IL1RAPL1: variants seen among roughly 807,000 people sequenced by gnomAD.
IL1RAPL1 encodes the protein interleukin 1 receptor accessory protein like 1.
Under a neutral mutation model 48.4 loss-of-function variants are expected in IL1RAPL1, and 3 were observed. The ratio of observed to expected loss-of-function variants is 0.06; its 90% CI spans 0.03 to 0.16. IL1RAPL1 has a LOEUF of 0.16. Ranked by LOEUF, IL1RAPL1 falls within the 10% of genes least tolerant of loss-of-function variation. The pLI is 1.00. For synonymous variants in IL1RAPL1, 185 were observed against 187.7 expected (o/e 0.99, Z 0.12); for missense variants, 349 against 530.6 (o/e 0.66, Z 3.36).
intron 1 of IL1RAPL1, among the ~76,000 whole-genome samples, chrX:28,662,007 C>T (rs1356625518): frequency 9.0e-6 from 1 of 111,329 alleles, no homozygotes; most frequent in Non-Finnish European, 1.9e-5. Context: ...AAGGCTGGAA[C>T]ACTGATGATC....
intron 5 of IL1RAPL1, among the ~76,000 whole-genome samples, chrX:29,630,885 TTCTA>T (rs1254489595): frequency 8.9e-6 from 1 of 112,775 alleles, no homozygotes; most frequent in Admixed American, 9.4e-5. Flanking sequence ...TATTTAACTG[TTCTA>T]TCTTTTTTGA....
chrX:29,838,446 G>A (rs1315344394), intron 6 of IL1RAPL1, among the ~76,000 whole-genome samples: 2 of 111,927 alleles, frequency 1.8e-5, no homozygotes, highest in African/African-American at 6.5e-5. Flanking sequence ...AAATATTTAT[G>A]TGTGTAAATT....
intron 2 of IL1RAPL1, among the ~76,000 whole-genome samples, chrX:29,010,796 G>C (rs1926106065): frequency 9.0e-6 from 1 of 111,363 alleles, no homozygotes; most frequent in African/African-American, 3.3e-5. Context: ...TCACTTATTA[G>C]TTTTGTGACT....
Position 28,773,918 on chromosome X carries a change from A to G in IL1RAPL1, c.-24-15402A>G, listed in dbSNP as rs1366165050. 2.7e-5 allele frequency among the ~76,000 whole-genome samples: 3 copies of G among 111,954 alleles called. No individual in the cohort carries two copies. In the East Asian group the frequency reaches 8.4e-4, roughly 31 times the overall value. The stretch of plus-strand genomic sequence containing the variant: ...AACAATGAGGTTTCTGTTCCTCGCA[A>G]AATGTCCACGTTAAAGTTACTAATG... On this transcript the variant is annotated intron_variant, in intron 1 of 10. Transcript: ENST00000378993.
chrX:29,416,554 AAAC>A (rs1281411488), intron 5 of IL1RAPL1, among the ~76,000 whole-genome samples: 2 of 111,321 alleles, frequency 1.8e-5, no homozygotes, highest in Non-Finnish European at 3.8e-5. Flanking sequence ...ACAAACAAAC[AAAC>A]AACAACGAAA....
In IL1RAPL1 at chrX:29,955,551, C is replaced by G. The variant is rs1456284851; in HGVS notation, c.1822C>G (p.Arg608Gly). Reference sequence around the variant, plus strand: ...TCTAGCCACTGCCCATCCAGATCTCCGTTCTACCTTTCACAACACGTACCA... The same window carrying G: ...TCTAGCCACTGCCCATCCAGATCTCGGTTCTACCTTTCACAACACGTACCA... ...TALATAHPDL[R>G]STFHNTYHSQ... The change falls in exon 11 of 11, where the codon CGT (arginine) becomes GGT (glycine). Residue 608 changes from arginine to glycine, a missense_variant. Arg to Gly is a moderately radical substitution (Grantham distance 125). Around this residue, in one of 3 missense-constraint regions of IL1RAPL1, gnomAD observed 65 missense variants for 79.6 expected, o/e 0.82. Coordinates refer to ENST00000378993, the MANE Select transcript of IL1RAPL1 (RefSeq NM_014271.4). 4 of 1,205,927 alleles carry G rather than the reference C, an allele frequency of 3.3e-6. No individual in the cohort carries two copies. The highest frequency in any genetic ancestry group is 3.4e-6 in the Non-Finnish European group (3 of 893,100).
chrX:29,393,259 C>G (rs1189824796), intron 3 of IL1RAPL1, among the ~76,000 whole-genome samples: 1 of 111,632 alleles, frequency 9.0e-6, no homozygotes, highest in East Asian at 2.8e-4. Flanking sequence ...GTAGCTGGGA[C>G]TACAGGCGCC....
intron 7 of IL1RAPL1, among the ~76,000 whole-genome samples, chrX:29,918,318 C>A (rs185375582): frequency 0.011 from 1,032 of 95,438 alleles, 23 homozygotes; most frequent in African/African-American, 0.037. Context: ...ACCAGCCTGG[C>A]CAACATGGTG....
chrX:29,010,106 G>T (rs1359699358), intron 2 of IL1RAPL1, among the ~76,000 whole-genome samples: 1 of 112,314 alleles, frequency 8.9e-6, no homozygotes, highest in African/African-American at 3.2e-5. Context: ...CATTGCTTTT[G>T]TATACTGAAG....
intron 2 of IL1RAPL1, among the ~76,000 whole-genome samples, chrX:29,070,262 T>C (rs1192296097): frequency 8.9e-6 from 1 of 112,142 alleles, no homozygotes; most frequent in African/African-American, 3.2e-5. Context: ...TATGTATTGC[T>C]TCCAAACTGA....
intron 1 of IL1RAPL1, among the ~76,000 whole-genome samples, chrX:28,605,770 C>T (rs369893706): frequency 5.4e-5 from 6 of 111,381 alleles, no homozygotes; most frequent in South Asian, 3.8e-4. Flanking sequence ...TTCATTTCCC[C>T]GACTCATTCT....
At chrX:29,357,957 C>T (rs1933326933) in intron 3 of IL1RAPL1, among the ~76,000 whole-genome samples, 1 of 111,022 alleles carries the variant, frequency 9.0e-6, no homozygotes, top group African/African-American at 3.3e-5. Flanking sequence ...GGAGGGAAAC[C>T]GAGCAAGGCC....
intron 1 of IL1RAPL1, among the ~76,000 whole-genome samples, chrX:28,735,977 A>C (rs1377279579): frequency 9.0e-6 from 1 of 111,142 alleles, no homozygotes; most frequent in Non-Finnish European, 1.9e-5. Context: ...TTTTATAAAT[A>C]CTACCTATTG....
intron 3 of IL1RAPL1, among the ~76,000 whole-genome samples, chrX:29,372,278 T>G (rs1335723284): frequency 3.6e-5 from 4 of 112,150 alleles, no homozygotes; most frequent in African/African-American, 1.3e-4. Context: ...AGTTATTTGT[T>G]TTTTGCCTGT....
intron 9 of IL1RAPL1, among the ~76,000 whole-genome samples, chrX:29,943,774 G>T (rs1933172791): frequency 8.9e-6 from 1 of 112,150 alleles, no homozygotes; most frequent in Admixed American, 9.4e-5. Context: ...GGAATATAAT[G>T]AAAATGAATT....
intron 3 of IL1RAPL1, among the ~76,000 whole-genome samples, chrX:29,332,137 T>G (rs754489579): frequency 1.1e-3 from 81 of 73,106 alleles, no homozygotes; most frequent in Non-Finnish European, 1.9e-3. Context: ...CTATATCAAT[T>G]TTTATTCCTT....
At chrX:28,815,423 C>T (rs1393235164) in intron 2 of IL1RAPL1, among the ~76,000 whole-genome samples, 1 of 110,120 alleles carries the variant, frequency 9.1e-6, no homozygotes, top group Non-Finnish European at 1.9e-5. Context: ...TTGGGATATC[C>T]ATCACCTTAA....
chrX:29,740,122 G>GAAAAAAAAAAAAAAAAAAAAAA (rs1172511347), intron 6 of IL1RAPL1, among the ~76,000 whole-genome samples: 1 of 52,329 alleles, frequency 1.9e-5, no homozygotes, highest in Non-Finnish European at 3.7e-5. Context: ...CAAAAAAACA[G>GAAAAAAAAAAAAAAAAAAAAAA]AAAAAAAAAA....
intron 3 of IL1RAPL1, among the ~76,000 whole-genome samples, chrX:29,394,622 T>C (rs904947934): frequency 8.9e-6 from 1 of 112,092 alleles, no homozygotes; most frequent in African/African-American, 3.2e-5. Flanking sequence ...GTAGTTCATA[T>C]CTCTTTGTAG....
Sources: allele counts gnomAD v4.1 joint callset (sites outside exome capture counted in the v4.1 genomes callset), GRCh38; gene constraint gnomAD v4.1.1; regional missense constraint gnomAD v4.1.1; transcripts MANE v1.5; gene names NCBI Gene and HGNC (gene_info 2026-07-23, HGNC 2026-07-21).